CCDC7: variants seen among roughly 807,000 people sequenced by gnomAD.
CCDC7 encodes the protein coiled-coil domain containing 7.
A neutral mutation model predicts 196.9 loss-of-function variants in CCDC7; 183 were observed. The observed-to-expected ratio is 0.93, with a 90% CI of 0.82 to 1.05. The LOEUF is 1.05. CCDC7 is among the 50% of genes least tolerant of loss of function. CCDC7 has a pLI of 0.00. For missense variants in CCDC7, 1,540 were observed against 1,482.2 expected (o/e 1.04, Z -0.64); for synonymous variants, 525 against 484.6 (o/e 1.08, Z -1.10).
chr10:32,503,007 C>T (rs190865587), intron 9 of CCDC7, among the ~76,000 whole-genome samples: 1 of 152,016 alleles, frequency 6.6e-6, no homozygotes, highest in Admixed American at 6.5e-5. Flanking sequence ...GTTTTTGTAT[C>T]CTGCAACTTT....
chr10:32,682,743 T>C (rs1378142495), intron 21 of CCDC7, among the ~76,000 whole-genome samples: 1 of 152,184 alleles, frequency 6.6e-6, no homozygotes, highest in Non-Finnish European at 1.5e-5. Context: ...TCTCTAATGA[T>C]TAGTGATGTT....
Position 32,668,711 on chromosome 10 carries a change from G to A in CCDC7, c.2122+4550G>A, listed in dbSNP as rs553620404. Among the ~76,000 whole-genome samples the A allele has an allele frequency of 3.3e-5, 5 of 152,208 alleles. No homozygotes were observed. In the South Asian group the frequency reaches 6.2e-4, roughly 19 times the overall value. On this transcript the variant is annotated intron_variant, in intron 21 of 41. Transcript: ENST00000639629. ...TATGTTGAACCAGCCTTGCATCCCA[G>A]GGATGAAGCCCACTTGATCATGGTG...
intron 3 of CCDC7, among the ~76,000 whole-genome samples, chr10:32,461,424 G>T (rs2035593246): frequency 6.6e-6 from 1 of 151,926 alleles, no homozygotes; most frequent in Admixed American, 6.6e-5. Flanking sequence ...AATGGTTGTA[G>T]GTGTATGTGG....
At position 32,565,640 on chromosome 10, in the gene CCDC7, T is replaced by C. The variant is rs746321869; in HGVS notation, c.1197+20T>C. Reference sequence around the variant, plus strand: ...TTACAGGTAAAGGATGTCATGTTTCTTTAACATTGTTAACAAGTAAAGAAA... The same window carrying C: ...TTACAGGTAAAGGATGTCATGTTTCCTTAACATTGTTAACAAGTAAAGAAA... On this transcript the variant is annotated intron_variant, in intron 14 of 41. Transcript: ENST00000639629. 4.4e-6 allele frequency: 7 copies of C among 1,595,752 alleles called. No individual in the cohort carries two copies. In the African/African-American group the frequency reaches 9.4e-5, roughly 22 times the overall value.
intron 18 of CCDC7, among the ~76,000 whole-genome samples, chr10:32,599,003 G>A (rs1280114914): frequency 2.6e-5 from 4 of 152,148 alleles, no homozygotes; most frequent in Admixed American, 6.5e-5. Flanking sequence ...ATTATTAAAA[G>A]AAGAGTATCT....
intron 13 of CCDC7, among the ~76,000 whole-genome samples, chr10:32,557,366 A>G (rs1220946001): frequency 6.6e-6 from 1 of 151,836 alleles, no homozygotes; most frequent in Non-Finnish European, 1.5e-5. Flanking sequence ...GCAGCACTGA[A>G]CATGTTGAGT....
intron 9 of CCDC7, chr10:32,513,571 A>G (rs2046560723): frequency 6.6e-6 from 1 of 152,170 alleles, no homozygotes; most frequent in Non-Finnish European, 1.5e-5. Flanking sequence ...AGATAAATAT[A>G]TGTTATGAAT....
At chr10:32,500,975 C>A (rs972894296) in intron 9 of CCDC7, among the ~76,000 whole-genome samples, 4 of 152,170 alleles carry the variant, frequency 2.6e-5, no homozygotes, top group Admixed American at 6.5e-5. Flanking sequence ...AGGGAGGTTG[C>A]AGTGAGTCGA....
intron 11 of CCDC7, among the ~76,000 whole-genome samples, chr10:32,521,673 A>T (rs1457049888): frequency 6.6e-6 from 1 of 150,752 alleles, no homozygotes; most frequent in African/African-American, 2.4e-5. Context: ...GTTCCTTTCC[A>T]ATTTGGATGC....
chr10:32,848,073 T>C (rs1359305001), intron 38 of CCDC7, among the ~76,000 whole-genome samples, 157 bp downstream of exon 39: 1 of 152,168 alleles, frequency 6.6e-6, no homozygotes, highest in African/African-American at 2.4e-5. Flanking sequence ...GTATTATCAA[T>C]GGGAAATTAG....
intron 32 of CCDC7, among the ~76,000 whole-genome samples, chr10:32,828,121 C>T (rs2091422889): frequency 6.6e-6 from 1 of 152,134 alleles, no homozygotes; most frequent in African/African-American, 2.4e-5. Context: ...ACTCTTTCAA[C>T]CAATTGCCAA....
At chr10:32,770,757 A>G (rs2079043077) in intron 28 of CCDC7, among the ~76,000 whole-genome samples, 1 of 152,034 alleles carries the variant, frequency 6.6e-6, no homozygotes. Context: ...TGATGCTAGG[A>G]GCTCCAGTGT....
chr10:32,574,847 G>A (rs140117713), intron 16 of CCDC7, among the ~76,000 whole-genome samples: 12 of 152,282 alleles, frequency 7.9e-5, no homozygotes, highest in Non-Finnish European at 1.5e-4. Flanking sequence ...CAAGAGAAGA[G>A]TGTTGGAACA....
At chr10:32,827,612 G>A (rs994258478) in intron 32 of CCDC7, among the ~76,000 whole-genome samples, 7 of 151,056 alleles carry the variant, frequency 4.6e-5, no homozygotes, top group Non-Finnish European at 8.9e-5. Flanking sequence ...CATGGACACC[G>A]GGTGGGGAAC....
chr10:32,548,437 T>C (rs947430055), intron 13 of CCDC7, among the ~76,000 whole-genome samples: 17 of 151,880 alleles, frequency 1.1e-4, no homozygotes, highest in African/African-American at 4.1e-4. Flanking sequence ...CAGGGAAACA[T>C]ATGTGAACTA....
intron 13 of CCDC7, among the ~76,000 whole-genome samples, chr10:32,565,232 T>A (rs2056587143): frequency 6.6e-6 from 1 of 152,220 alleles, no homozygotes. Flanking sequence ...AATGTTTATT[T>A]TGTGTTAAGA....
intron 25 of CCDC7, among the ~76,000 whole-genome samples, chr10:32,726,286 G>A (rs1014028559): frequency 6.7e-5 from 10 of 149,202 alleles, no homozygotes; most frequent in Admixed American, 4.7e-4. Context: ...GTGATATGTA[G>A]AGTATTTATA....
At chr10:32,585,392 A>T (rs1034111976) in intron 18 of CCDC7, among the ~76,000 whole-genome samples, 4 of 152,182 alleles carry the variant, frequency 2.6e-5, no homozygotes, top group African/African-American at 2.4e-5. Flanking sequence ...AATTATTATT[A>T]TATTTTAAGT....
At chr10:32,755,808 C>G (rs893004948) in intron 28 of CCDC7, among the ~76,000 whole-genome samples, 1 of 152,114 alleles carries the variant, frequency 6.6e-6, no homozygotes. Context: ...ACAAATTTCT[C>G]CGAGTCAAAG....
Sources: gnomAD v4.1 joint callset for allele counts (sites outside exome capture counted in the v4.1 genomes callset) on GRCh38, gnomAD v4.1.1 for gene constraint, MANE v1.5 for transcripts, NCBI Gene and HGNC (gene_info 2026-07-23, HGNC 2026-07-21) for gene names.